Variants in TUB observed in about 807,000 individuals in gnomAD.
TUB encodes the protein TUB bipartite transcription factor, also known as tubby protein homolog.
In TUB, 33 loss-of-function variants were observed where a neutral mutation model predicts 59.7. The ratio of observed to expected loss-of-function variants is 0.55; its 90% CI spans 0.42 to 0.74. The LOEUF is 0.74. Ranked by LOEUF, TUB falls within the 30% of genes least tolerant of loss-of-function variation. The pLI is 0.00. For synonymous variants in TUB, 293 were observed against 256.4 expected (o/e 1.14, Z -1.36); for missense variants, 659 against 672.0 (o/e 0.98, Z 0.21).
intron 2 of TUB, among the ~76,000 whole-genome samples, chr11:8,065,538 T>C (rs1447552773): frequency 6.6e-6 from 1 of 152,136 alleles, no homozygotes; most frequent in African/African-American, 2.4e-5. Context: ...AATGAGAAAA[T>C]AATACATGAC....
chr11:8,033,737 G>A (rs1156949709), upstream of TUB, among the ~76,000 whole-genome samples: 2 of 152,228 alleles, frequency 1.3e-5, no homozygotes, highest in East Asian at 1.9e-4. Flanking sequence ...TGCTGCTGTC[G>A]TCATTCATCC....
intron 1 of TUB, among the ~76,000 whole-genome samples, chr11:8,019,700 C>T (rs1454745277): frequency 6.6e-6 from 1 of 151,780 alleles, no homozygotes; most frequent in Non-Finnish European, 1.5e-5. Flanking sequence ...CCGGGAGGGG[C>T]GGGGCAGGGG....
At chr11:8,034,848 T>C (rs551396149), upstream of TUB, among the ~76,000 whole-genome samples, 2 of 152,294 alleles carry the variant, frequency 1.3e-5, no homozygotes, top group Non-Finnish European at 2.9e-5. Context: ...TATCACCCTG[T>C]ATGGAGGGGG....
intron 1 of TUB, among the ~76,000 whole-genome samples, chr11:8,025,544 G>A (rs550081602): frequency 7.2e-5 from 11 of 152,220 alleles, no homozygotes; most frequent in African/African-American, 1.9e-4. Context: ...GATCTGATTC[G>A]TTTCCTAGAG....
intron 2 of TUB, among the ~76,000 whole-genome samples, chr11:8,044,146 T>C (rs977103699): frequency 9.8e-5 from 15 of 152,336 alleles, no homozygotes; most frequent in Middle Eastern, 3.4e-3. Flanking sequence ...TGAAGAAACA[T>C]TGGGCATTAT....
intron 2 of TUB, among the ~76,000 whole-genome samples, chr11:8,074,097 T>G (rs200230670): frequency 5.3e-4 from 22 of 41,758 alleles, no homozygotes; most frequent in Admixed American, 1.1e-3. Context: ...GTTTTTGTGG[T>G]TTTTTTTTTT....
At chr11:8,054,986 C>G (rs1012368301) in intron 2 of TUB, among the ~76,000 whole-genome samples, 2 of 152,196 alleles carry the variant, frequency 1.3e-5, no homozygotes, top group Non-Finnish European at 2.9e-5. Context: ...TAGAGTCACT[C>G]TGTCATGACT....
intron 1 of TUB, among the ~76,000 whole-genome samples, chr11:8,029,817 T>A (rs2133707729): frequency 6.6e-6 from 1 of 152,276 alleles, no homozygotes; most frequent in Admixed American, 6.5e-5. Flanking sequence ...GTCCTGGCCG[T>A]GGCAGTGCCA....
At chr11:8,036,655 T>G (rs1942651284), upstream of TUB, among the ~76,000 whole-genome samples, 1 of 152,174 alleles carries the variant, frequency 6.6e-6, no homozygotes, top group Admixed American at 6.5e-5. Flanking sequence ...AGAGTGTGCA[T>G]GAGGAGGTTT....
intron 1 of TUB, among the ~76,000 whole-genome samples, chr11:8,088,157 G>T (rs1943702929): frequency 6.6e-6 from 1 of 152,268 alleles, no homozygotes; most frequent in East Asian, 1.9e-4. Flanking sequence ...GCAGCTCGTG[G>T]GTACAAGGAA....
intron 2 of TUB, among the ~76,000 whole-genome samples, chr11:8,050,806 T>C (rs1324133980): frequency 1.3e-5 from 2 of 152,248 alleles, no homozygotes; most frequent in African/African-American, 4.8e-5. Flanking sequence ...CTCTTCTGTC[T>C]CTTAGCTCTT....
intron 2 of TUB, among the ~76,000 whole-genome samples, chr11:8,056,194 C>G (rs1943018063): frequency 6.6e-6 from 1 of 152,194 alleles, no homozygotes; most frequent in Non-Finnish European, 1.5e-5. Flanking sequence ...GGGAAGCAAG[C>G]TGTCACCACG....
At chr11:8,038,810 C>G in exon 1 of TUB, 1 of 1,579,688 alleles carries the variant, frequency 6.3e-7, no homozygotes, top group Admixed American at 1.8e-5. Context: ...TCAACAGGCT[C>G]CAGGTCTTAC....
At chr11:8,041,508 A>C (rs1881231) in intron 2 of TUB, among the ~76,000 whole-genome samples, 13 of 152,320 alleles carry the variant, frequency 8.5e-5, no homozygotes, top group Non-Finnish European at 1.5e-4. Context: ...GTTGTCTTCA[A>C]CTTGTTGAAG....
intron 2 of TUB, among the ~76,000 whole-genome samples, chr11:8,050,139 A>G (rs1393127393): frequency 6.6e-6 from 1 of 152,216 alleles, no homozygotes; most frequent in Non-Finnish European, 1.5e-5. Context: ...TGCAAGATGC[A>G]TGTATGTCAG....
intron 2 of TUB, chr11:8,062,292 G>C (rs1943144134): frequency 6.6e-6 from 1 of 152,644 alleles, no homozygotes; most frequent in South Asian, 2.1e-4. Flanking sequence ...GGGACCACGG[G>C]CATGGACCAA....
At chr11:8,096,568 T>G (rs1162237201) in intron 5 of TUB, 117 bp from the exon 6 acceptor site, 1 of 737,570 alleles carries the variant, frequency 1.4e-6, no homozygotes, top group South Asian at 1.5e-5. Flanking sequence ...AGTGTGTGCA[T>G]AAGTTTGTGG....
At chr11:8,035,588 A>T (rs1235435661), upstream of TUB, 1 of 152,240 alleles carries the variant, frequency 6.6e-6, no homozygotes, top group African/African-American at 2.4e-5. Context: ...CCCATCCTTC[A>T]TTCCATCCCA....
intron 2 of TUB, among the ~76,000 whole-genome samples, chr11:8,054,968 G>GC (rs1942994864): frequency 6.6e-6 from 1 of 152,194 alleles, no homozygotes; most frequent in South Asian, 2.1e-4. Context: ...GTGGAGGCTG[G>GC]CCCGTCCTAG....
Sources: gnomAD v4.1 joint callset for allele counts (sites outside exome capture counted in the v4.1 genomes callset) on GRCh38, gnomAD v4.1.1 for gene constraint, MANE v1.5 for transcripts, NCBI Gene and HGNC (gene_info 2026-07-23, HGNC 2026-07-21) for gene names.